GALNT9: variants seen among roughly 807,000 people sequenced by gnomAD.
GALNT9 encodes the protein polypeptide N-acetylgalactosaminyltransferase 9, also known as GalNAc transferase 9.
A neutral mutation model predicts 63.1 loss-of-function variants in GALNT9; 47 were observed. The observed-to-expected ratio is 0.75, with a 90% CI of 0.59 to 0.95. The LOEUF is 0.95. Ranked by LOEUF, GALNT9 falls within the 40% of genes least tolerant of loss-of-function variation. The probability of loss-of-function intolerance (pLI) is 0.00; values close to 1 mark genes in which losing one functional copy is unlikely to be tolerated. For synonymous variants in GALNT9, 396 were observed against 365.7 expected (o/e 1.08, Z -0.94); for missense variants, 829 against 874.8 (o/e 0.95, Z 0.66).
intron 5 of GALNT9, among the ~76,000 whole-genome samples, 193 bp from the exon 6 acceptor site, chr12:132,248,220 G>A (rs563849947): frequency 6.6e-6 from 1 of 152,344 alleles, no homozygotes; most frequent in Non-Finnish European, 1.5e-5. Context: ...GTCCCTTGGA[G>A]CCTGGTTAAG....
At chr12:132,221,454 T>C (rs1425262489) in intron 6 of GALNT9, among the ~76,000 whole-genome samples, 1 of 135,778 alleles carries the variant, frequency 7.4e-6, no homozygotes, top group Non-Finnish European at 1.6e-5. Context: ...AGGTCAGGAG[T>C]TCAAGACCAG....
chr12:132,212,033 T>C (rs1416090172), intron 6 of GALNT9, among the ~76,000 whole-genome samples: 1 of 152,200 alleles, frequency 6.6e-6, no homozygotes, highest in Non-Finnish European at 1.5e-5. Flanking sequence ...GCAGCGGACG[T>C]GCACGCAGGC....
chr12:132,284,175 A>C (rs77980221), intron 2 of GALNT9: 20,137 of 149,678 alleles, frequency 0.13, 1,536 homozygotes, highest in East Asian at 0.36. Context: ...GTATACACAC[A>C]CACGCACACC....
intron 6 of GALNT9, among the ~76,000 whole-genome samples, chr12:132,227,194 A>T (rs2135524296): frequency 6.6e-6 from 1 of 152,278 alleles, no homozygotes; most frequent in East Asian, 1.9e-4. Flanking sequence ...GGAGAGACTC[A>T]GATACAGGAA....
chr12:132,196,394 T>G lies in GALNT9; in HGVS notation c.*713A>C. The G allele has an allele frequency of 4.1e-6, 4 of 974,130 alleles. No individual in the cohort carries two copies. The highest frequency in any genetic ancestry group is 4.9e-6 in the Non-Finnish European group (4 of 819,690). 60.3% of individuals were successfully genotyped at this position (974,130 alleles called of 1,614,324 possible). A position where few individuals can be genotyped will look rare whatever the true frequency, so the allele number is the denominator to read the frequency against. ...GGGTGTGGCTGGGCGCCAATAAAACTGTATTTATTAAAACAGGCAAGGGGC... is the reference window on the plus strand; with the variant it reads ...GGGTGTGGCTGGGCGCCAATAAAACGGTATTTATTAAAACAGGCAAGGGGC... On this transcript the variant is annotated 3_prime_UTR_variant, in exon 11 of 11. Transcript: ENST00000328957.
Position 132,236,438 on chromosome 12 carries a change from C to A in GALNT9, c.1077+11472G>T. Among the ~76,000 whole-genome samples, 1 of 152,020 alleles carries A rather than the reference C, an allele frequency of 6.6e-6. No homozygotes were observed. Among genetic ancestry groups the A allele is most frequent in the East Asian group, 1.9e-4 (1 of 5,164 alleles). On this transcript the variant is annotated intron_variant, in intron 6 of 10. Coordinates refer to ENST00000328957, the MANE Select transcript of GALNT9 (RefSeq NM_001122636.2). This position sits in a 1 kb window ranked among gnomAD's most constrained non-coding sequence, Gnocchi z 5.6. ...ACAGCGTCTGCGGAGCTCCCTGAGG[C>A]CCCATAGCACCTGTCATCACGGCTG... is the stretch of plus-strand genomic sequence containing the variant.
At position 132,321,205 on chromosome 12, in the gene GALNT9, AGTCG is replaced by A. The variant is rs1555246105; in HGVS notation, c.238+7757_238+7760del. Among the ~76,000 whole-genome samples, 210 of 28,588 alleles carry A rather than the reference AGTCG, an allele frequency of 7.3e-3. 1 individual carries two copies. Among genetic ancestry groups the A allele is most frequent in the African/African-American group, 0.028 (183 of 6,548 alleles). The allele number at this position is 28,588 out of a possible 152,430, so 18.8% of individuals were successfully genotyped here. On this transcript the variant is annotated intron_variant, in intron 1 of 10. Coordinates refer to ENST00000328957, the MANE Select transcript of GALNT9 (RefSeq NM_001122636.2). The stretch of plus-strand genomic sequence containing the variant: ...GGAGTCGAGGCCCCTGTTGGTCCAG[AGTCG>A]AGGCCCCTGTGGGTCTGGAGTCGAG...
rs1172906695 is a variant in GALNT9, at chr12:132,240,700, A to T, written c.1077+7210T>A. On this transcript the variant is annotated intron_variant, in intron 6 of 10. Coordinates refer to ENST00000328957, the MANE Select transcript of GALNT9 (RefSeq NM_001122636.2). ...TCCTCTTTTATTCTGTTTATAATTT[A>T]CCTTATCTTGCTGGAACCCTTCTGT... 3 of 455,654 alleles carry T rather than the reference A, an allele frequency of 6.6e-6. No individual in the cohort carries two copies. The Admixed American group carries it at 7.1e-5, about 11-fold the overall frequency. The allele number at this position is 455,654 out of a possible 1,614,324, so 28.2% of individuals were successfully genotyped here.
At chr12:132,225,962 C>A (rs1399349017) in intron 6 of GALNT9, among the ~76,000 whole-genome samples, 164 of 147,352 alleles carry the variant, frequency 1.1e-3, no homozygotes, top group Non-Finnish European at 2.1e-3. Context: ...CATATGCACA[C>A]CCCACACACT....
rs1878713291 is a variant in GALNT9, at chr12:132,246,543, TA to T, written c.1077+1366del. Among the ~76,000 whole-genome samples the T allele has an allele frequency of 6.6e-6, 1 of 152,234 alleles. No homozygotes were observed. The highest frequency in any genetic ancestry group is 2.1e-4 in the South Asian group (1 of 4,824). On this transcript the variant is annotated intron_variant, in intron 6 of 10. Coordinates refer to ENST00000328957, the MANE Select transcript of GALNT9 (RefSeq NM_001122636.2). The surrounding 1 kb of genome is among the most constrained non-coding windows in gnomAD (Gnocchi z 4.7). ...TATTATTTTATTTTATTTTATCATATATTTTTTGAAATGGAGTCTCACTCTG... is the reference window on the plus strand; with the variant it reads ...TATTATTTTATTTTATTTTATCATATTTTTTTGAAATGGAGTCTCACTCTG...
At chr12:132,213,848 G>A (rs531220846) in intron 6 of GALNT9, among the ~76,000 whole-genome samples, 1 of 152,364 alleles carries the variant, frequency 6.6e-6, no homozygotes, top group Admixed American at 6.5e-5. Flanking sequence ...GAAAGAAAGA[G>A]CCTCGACTGC....
In GALNT9 at chr12:132,296,051, T is replaced by TC. The variant is rs147491330; in HGVS notation, c.239-9622dup. Among the ~76,000 whole-genome samples, 21,453 of 139,794 alleles carry TC rather than the reference T, an allele frequency of 0.15. 1,659 individuals are homozygous for TC. Among genetic ancestry groups the TC allele is most frequent in the Middle Eastern group, 0.24 (62 of 256 alleles). The allele number at this position is 139,794 out of a possible 152,430, so 91.7% of individuals were successfully genotyped here. Reference sequence around the variant, plus strand: ...GAGAGCCTCCAGAACAGGGAGAGCCTCTGAACAGGGAGAGGCTCCGGAACA... The same window carrying TC: ...GAGAGCCTCCAGAACAGGGAGAGCCTCCTGAACAGGGAGAGGCTCCGGAACA... On this transcript the variant is annotated intron_variant, in intron 1 of 10. Transcript: ENST00000328957. The surrounding 1 kb of genome is among the most constrained non-coding windows in gnomAD (Gnocchi z 4.2).
chr12:132,287,584 G>A (rs1880650141), intron 1 of GALNT9, among the ~76,000 whole-genome samples: 1 of 152,102 alleles, frequency 6.6e-6, no homozygotes, highest in African/African-American at 2.4e-5. Flanking sequence ...CCGTGTGGCC[G>A]CCGGCGTGAG....
intron 3 of GALNT9, among the ~76,000 whole-genome samples, chr12:132,261,535 C>A (rs1373613151): frequency 6.6e-6 from 1 of 152,228 alleles, no homozygotes; most frequent in African/African-American, 2.4e-5. Flanking sequence ...GGTAGCCGAG[C>A]TGGACTGGAT....
At chr12:132,268,998 A>G (rs1879763632) in intron 2 of GALNT9, among the ~76,000 whole-genome samples, 1 of 152,194 alleles carries the variant, frequency 6.6e-6, no homozygotes, top group African/African-American at 2.4e-5. Flanking sequence ...ACGTGTGGAT[A>G]TCTGAGCCTG....
intron 1 of GALNT9, among the ~76,000 whole-genome samples, chr12:132,309,006 G>A (rs1248300532): frequency 2.0e-5 from 3 of 152,152 alleles, no homozygotes; most frequent in Non-Finnish European, 2.9e-5. Context: ...TGACAACCCC[G>A]CCCCTCTGCC....
chr12:132,323,511 G>T (rs1868894832), intron 1 of GALNT9, among the ~76,000 whole-genome samples: 1 of 152,254 alleles, frequency 6.6e-6, no homozygotes, highest in Non-Finnish European at 1.5e-5. Context: ...TGAGTGGTCA[G>T]ATGGGGTCAA....
At chr12:132,262,435 C>CGT in intron 3 of GALNT9, 24 bp downstream of exon 3, 1 of 1,540,418 alleles carries the variant, frequency 6.5e-7, no homozygotes, top group Non-Finnish European at 8.8e-7. Context: ...CGGCGAGCAC[C>CGT]GTGCCGAGGC....
At chr12:132,219,690 ACCC>A (rs1877359324) in intron 6 of GALNT9, among the ~76,000 whole-genome samples, 1 of 150,172 alleles carries the variant, frequency 6.7e-6, no homozygotes, top group Non-Finnish European at 1.5e-5. Context: ...CCAGGGTGAC[ACCC>A]GCCCGGGTAA....
Sources: allele counts gnomAD v4.1 joint callset (sites outside exome capture counted in the v4.1 genomes callset), GRCh38; gene constraint gnomAD v4.1.1; non-coding constraint Gnocchi (gnomAD v3.1); transcripts MANE v1.5; gene names NCBI Gene and HGNC (gene_info 2026-07-23, HGNC 2026-07-21).